The following GRIK4 variants were observed in gnomAD, a reference collection of about 807,000 sequenced individuals.
GRIK4 encodes the protein glutamate ionotropic receptor kainate type subunit 4.
In GRIK4, 40 loss-of-function variants were observed where a neutral mutation model predicts 104.9. The observed-to-expected ratio is 0.38, with a 90% confidence interval of 0.30 to 0.50. The LOEUF (loss-of-function observed/expected upper bound fraction) is 0.50. Ranked by LOEUF, GRIK4 falls within the 20% of genes least tolerant of loss-of-function variation. The pLI, the probability that GRIK4 is intolerant of heterozygous loss-of-function variation, is 0.93. For synonymous variants in GRIK4, 485 were observed against 524.9 expected (o/e 0.92, Z 1.04); for missense variants, 1,047 against 1,308.1 (o/e 0.80, Z 3.08).
intron 1 of GRIK4, among the ~76,000 whole-genome samples, chr11:120,591,086 G>A (rs1948727136): frequency 1.3e-5 from 2 of 152,098 alleles, no homozygotes; most frequent in African/African-American, 4.8e-5. Flanking sequence ...ATGGAGGCAA[G>A]TCACCATACT....
intron 3 of GRIK4, among the ~76,000 whole-genome samples, chr11:120,725,656 A>G (rs1339880306): frequency 6.6e-6 from 1 of 152,114 alleles, no homozygotes; most frequent in East Asian, 1.9e-4. Flanking sequence ...TTTTCTTGAG[A>G]GCCCTGGGGG....
intron 4 of GRIK4, among the ~76,000 whole-genome samples, chr11:120,805,782 C>T (rs918272933): frequency 3.3e-5 from 5 of 152,156 alleles, no homozygotes; most frequent in Admixed American, 3.3e-4. Context: ...GGCTTAAGCG[C>T]CTACCACCTG....
intron 8 of GRIK4, 58 bp from the exon 9 acceptor site, chr11:120,861,901 A>C: frequency 3.9e-6 from 5 of 1,298,236 alleles, no homozygotes; most frequent in East Asian, 2.3e-5. Context: ...ACCAAAGTCC[A>C]TCCCTCACTT....
At chr11:120,576,199 T>G (rs901333029) in intron 1 of GRIK4, among the ~76,000 whole-genome samples, 2 of 152,228 alleles carry the variant, frequency 1.3e-5, no homozygotes, top group Non-Finnish European at 2.9e-5. Context: ...GTTGTTTAAT[T>G]AGTTGATTCC....
At chr11:120,782,425 A>C (rs1952176441) in intron 3 of GRIK4, among the ~76,000 whole-genome samples, 2 of 151,796 alleles carry the variant, frequency 1.3e-5, no homozygotes, top group Non-Finnish European at 2.9e-5. Context: ...AGCTGGGACT[A>C]CAGGCGCCCA....
intron 13 of GRIK4, among the ~76,000 whole-genome samples, chr11:120,917,020 C>T (rs754860926): frequency 2.6e-5 from 4 of 151,522 alleles, no homozygotes; most frequent in Non-Finnish European, 4.4e-5. Context: ...CCGAGGCGAG[C>T]GGATCACCTG....
intron 13 of GRIK4, among the ~76,000 whole-genome samples, chr11:120,932,965 G>A (rs1005023826): frequency 6.6e-6 from 1 of 152,212 alleles, no homozygotes; most frequent in Admixed American, 6.5e-5. Context: ...AGAGGGAGCT[G>A]GAGAGGCCAT....
At chr11:120,674,638 G>T (rs1417667519) in intron 3 of GRIK4, among the ~76,000 whole-genome samples, 1 of 152,240 alleles carries the variant, frequency 6.6e-6, no homozygotes, top group Non-Finnish European at 1.5e-5. Context: ...GACACAGGTG[G>T]GGGAGGGAAT....
intron 3 of GRIK4, among the ~76,000 whole-genome samples, chr11:120,743,588 T>A (rs75964494): frequency 0.019 from 2,910 of 152,194 alleles, 93 homozygotes; most frequent in African/African-American, 0.065. Flanking sequence ...AAGTTTTTTT[T>A]AAAAAAGAAA....
At chr11:120,602,085 G>A (rs1948895450) in intron 1 of GRIK4, among the ~76,000 whole-genome samples, 1 of 151,976 alleles carries the variant, frequency 6.6e-6, no homozygotes, top group Non-Finnish European at 1.5e-5. Flanking sequence ...GTACCCCGGG[G>A]CTGCCTTCCC....
chr11:120,692,881 A>ACC (rs1430657791), intron 3 of GRIK4, among the ~76,000 whole-genome samples: 1 of 151,818 alleles, frequency 6.6e-6, no homozygotes, highest in Non-Finnish European at 1.5e-5. Context: ...ACAGGCTCCC[A>ACC]CCACCATGCC....
chr11:120,671,195 T>A (rs1394159514), intron 3 of GRIK4, among the ~76,000 whole-genome samples: 1 of 152,232 alleles, frequency 6.6e-6, no homozygotes, highest in East Asian at 1.9e-4. Context: ...TAGACTGATT[T>A]ATAATCCTTT....
chr11:120,523,508 C>A (rs995015191), intron 1 of GRIK4, among the ~76,000 whole-genome samples: 3 of 152,110 alleles, frequency 2.0e-5, no homozygotes, highest in Admixed American at 6.5e-5. Context: ...GCCAATAATG[C>A]TGCTACTTCT....
chr11:120,879,813 A>T (rs777133415), intron 11 of GRIK4, among the ~76,000 whole-genome samples: 1 of 152,134 alleles, frequency 6.6e-6, no homozygotes, highest in Non-Finnish European at 1.5e-5. Context: ...CTCCCTTTTC[A>T]TGACACGGAA....
Position 120,724,028 on chromosome 11 carries a change from T to C in GRIK4, c.82+63628T>C, listed in dbSNP as rs1044715109. Among the ~76,000 whole-genome samples the C allele has an allele frequency of 5.9e-5, 9 of 152,226 alleles. No individual in the cohort carries two copies. The East Asian group carries it at 1.7e-3, about 29-fold the overall frequency. On this transcript the variant is annotated intron_variant, in intron 3 of 20. Transcript: ENST00000527524. Reference sequence around the variant, plus strand: ...TTCTGTCCTATGGTTTTGACTTTCCTAAAACGTCATATAAGTGGAATTAGT... The same window carrying C: ...TTCTGTCCTATGGTTTTGACTTTCCCAAAACGTCATATAAGTGGAATTAGT...
intron 1 of GRIK4, among the ~76,000 whole-genome samples, chr11:120,594,951 C>G (rs1390304371): frequency 1.3e-5 from 2 of 152,160 alleles, no homozygotes; most frequent in Admixed American, 1.3e-4. Flanking sequence ...GGAGCCACCC[C>G]CAGCGAGGGA....
intron 8 of GRIK4, among the ~76,000 whole-genome samples, chr11:120,841,425 T>C (rs1953713248): frequency 6.6e-6 from 1 of 152,246 alleles, no homozygotes; most frequent in Non-Finnish European, 1.5e-5. Context: ...GGTTCATTCA[T>C]ATGTCAGAAT....
intron 3 of GRIK4, among the ~76,000 whole-genome samples, chr11:120,684,764 G>T (rs797020998): frequency 8.5e-5 from 13 of 152,086 alleles, no homozygotes; most frequent in African/African-American, 2.9e-4. Flanking sequence ...AGGCTGGAGT[G>T]CAGTGGCGCG....
chr11:120,820,738 A>AG (rs1199698405), intron 6 of GRIK4, among the ~76,000 whole-genome samples: 1 of 152,128 alleles, frequency 6.6e-6, no homozygotes, highest in Non-Finnish European at 1.5e-5. Flanking sequence ...CATCTTTATT[A>AG]GGGCTCCTTT....
Sources: gnomAD v4.1 joint callset for allele counts (sites outside exome capture counted in the v4.1 genomes callset) on GRCh38, gnomAD v4.1.1 for gene constraint, MANE v1.5 for transcripts, NCBI Gene and HGNC (gene_info 2026-07-23, HGNC 2026-07-21) for gene names.